PCDHA7: variants seen among roughly 807,000 people sequenced by gnomAD.
PCDHA7 encodes protocadherin alpha 7.
Under a neutral mutation model 57.2 loss-of-function variants are expected in PCDHA7, and 37 were observed. That is an observed-to-expected ratio of 0.65 (90% CI 0.50 to 0.85). The LOEUF is 0.85. PCDHA7 is among the 40% of genes least tolerant of loss of function. The pLI, the probability that PCDHA7 is intolerant of heterozygous loss-of-function variation, is 0.00. For missense variants in PCDHA7, 1,188 were observed against 1,241.8 expected, an observed-to-expected ratio of 0.96 and a Z score of 0.65; for synonymous variants, 553 against 558.8, an observed-to-expected ratio of 0.99 and a Z score of 0.15.
intron 1 of PCDHA7, among the ~76,000 whole-genome samples, chr5:140,901,222 C>A (rs1336015424): frequency 6.6e-6 from 1 of 151,984 alleles, no homozygotes; most frequent in Admixed American, 6.6e-5. Context: ...TGATGTGATC[C>A]CATATATCCA....
In PCDHA7 at chr5:140,836,076, C is replaced by G. The variant is rs1387042597; in HGVS notation, c.1693C>G (p.Leu565Val). The change falls in exon 1 of 4, where the codon CTG becomes GTG. Residue 565 changes from leucine (L) to valine (V), a missense_variant. Leu to Val is a conservative substitution (Grantham distance 32). This residue lies in a region of PCDHA7 where 892 missense variants were observed against 788.5 expected (regional missense o/e 1.13). Transcript: ENST00000525929. ...GGACGAGAACGACAACGCGCCGGCA[C>G]TGCTGGCGCCTCGGGTGGGTGGCAC... ...VLDENDNAPA[L>V]LAPRVGGTGG... 6.2e-7 allele frequency: 1 copy of G among 1,613,592 alleles called. No individual in the cohort carries two copies. The highest frequency in any genetic ancestry group is 1.7e-5 in the Admixed American group (1 of 59,990).
At chr5:140,884,179 G>A in intron 1 of PCDHA7, 3 of 1,613,460 alleles carry the variant, frequency 1.9e-6, no homozygotes, top group Non-Finnish European at 1.7e-6. Context: ...CGCGCCCTCT[G>A]GACGAGGTGG....
intron 1 of PCDHA7, among the ~76,000 whole-genome samples, chr5:140,905,145 T>C (rs1264141592): frequency 1.3e-5 from 2 of 152,252 alleles, no homozygotes; most frequent in African/African-American, 4.8e-5. Context: ...TCTGCTGTTA[T>C]ATTTTAGAAT....
intron 3 of PCDHA7, among the ~76,000 whole-genome samples, chr5:140,993,365 A>G (rs1207264244): frequency 1.3e-5 from 2 of 151,422 alleles, no homozygotes; most frequent in Admixed American, 6.6e-5. Flanking sequence ...CACAAAAACT[A>G]CCTCCCAGCC....
intron 1 of PCDHA7, chr5:140,968,548 G>T: frequency 6.2e-7 from 1 of 1,614,174 alleles, no homozygotes; most frequent in Non-Finnish European, 8.5e-7. Context: ...TCGAGATGGT[G>T]CCTCGAACTG....
At chr5:140,985,562 C>G (rs1477250763) in intron 3 of PCDHA7, among the ~76,000 whole-genome samples, 1 of 152,116 alleles carries the variant, frequency 6.6e-6, no homozygotes, top group Non-Finnish European at 1.5e-5. Flanking sequence ...CAAAAGGCTT[C>G]TTTCTGGTGC....
At chr5:140,912,061 C>T (rs1321149990) in intron 1 of PCDHA7, among the ~76,000 whole-genome samples, 2 of 152,162 alleles carry the variant, frequency 1.3e-5, no homozygotes, top group Non-Finnish European at 2.9e-5. Context: ...AACTTGGAGT[C>T]CAATGTTCAA....
intron 1 of PCDHA7, among the ~76,000 whole-genome samples, chr5:140,895,298 C>A (rs1208960325): frequency 6.6e-6 from 1 of 151,928 alleles, no homozygotes; most frequent in Non-Finnish European, 1.5e-5. Context: ...CCTTCGATTT[C>A]CCCCCTTCCA....
Position 140,834,561 on chromosome 5 carries a change from G to A in PCDHA7, c.178G>A (p.Val60Met), listed in dbSNP as rs2150221029. ...CCTGGGGCTGGAGCTGGCGGAGCTG[G>A]TGCCGCGCCTGTTCCGGGCGGTGTG... ...QDLGLELAEL[V>M]PRLFRAVCKF... The change falls in exon 1 of 4, where the codon GTG (valine) becomes ATG (methionine). Residue 60 changes from valine (V) to methionine (M), a missense_variant. Val to Met is a conservative substitution (Grantham distance 21). Coordinates refer to ENST00000525929, the MANE Select transcript of PCDHA7 (RefSeq NM_018910.3). 3.5e-5 allele frequency: 56 copies of A among 1,614,112 alleles called. No homozygotes were observed. Among genetic ancestry groups the A allele is most frequent in the Admixed American group, 1.5e-4 (9 of 60,010 alleles).
chr5:140,869,750 A>T (rs1467855920), intron 1 of PCDHA7: 1 of 1,613,280 alleles, frequency 6.2e-7, no homozygotes, highest in Non-Finnish European at 8.5e-7. Context: ...ACAGCTACAG[A>T]CGGGGGAAAA....
In PCDHA7 at chr5:140,886,687, A is replaced by G. The variant is rs553566283; in HGVS notation, c.2355+49949A>G. On this transcript the variant is annotated intron_variant, in intron 1 of 3. Coordinates refer to ENST00000525929, the MANE Select transcript of PCDHA7 (RefSeq NM_018910.3). The stretch of plus-strand genomic sequence containing the variant: ...CTAAAAATACAAAAATTAGCGAGGC[A>G]TGGTGGCACGCGCCTGTAATCCCAG... Among the ~76,000 whole-genome samples, 418 of 152,114 alleles carry G rather than the reference A, an allele frequency of 2.7e-3. 2 individuals are homozygous for G. Among genetic ancestry groups the G allele is most frequent in the Middle Eastern group, 0.014 (4 of 294 alleles).
At chr5:140,863,942 G>C (rs868949663) in intron 1 of PCDHA7, 1 of 159,974 alleles carries the variant, frequency 6.3e-6, no homozygotes, top group Non-Finnish European at 1.4e-5. Context: ...CAGAGGTTGC[G>C]GTGAGCCTAG....
chr5:140,965,424 G>A (rs2095899424), intron 1 of PCDHA7, among the ~76,000 whole-genome samples: 1 of 152,086 alleles, frequency 6.6e-6, no homozygotes, highest in African/African-American at 2.4e-5. Flanking sequence ...AGGAAGATAA[G>A]CTGCAGTCAT....
chr5:140,839,557 T>A (rs1776285621), intron 1 of PCDHA7, among the ~76,000 whole-genome samples: 1 of 151,956 alleles, frequency 6.6e-6, no homozygotes, highest in Non-Finnish European at 1.5e-5. Context: ...GCCCAACTAA[T>A]TTTTGTATTT....
intron 1 of PCDHA7, among the ~76,000 whole-genome samples, chr5:140,937,911 CAAAA>C (rs200797202): frequency 8.5e-6 from 1 of 117,894 alleles, no homozygotes; most frequent in Non-Finnish European, 1.9e-5. Context: ...GACTCCGTCT[CAAAA>C]AAAAAAAAAA....
intron 1 of PCDHA7, chr5:140,870,552 G>C: frequency 6.2e-7 from 1 of 1,614,042 alleles, no homozygotes; most frequent in Non-Finnish European, 8.5e-7. Flanking sequence ...ACGCGGACGC[G>C]CAGGAGAACG....
At chr5:140,971,034 A>G (rs576529050) in intron 1 of PCDHA7, among the ~76,000 whole-genome samples, 1 of 152,202 alleles carries the variant, frequency 6.6e-6, no homozygotes, top group Non-Finnish European at 1.5e-5. Context: ...ATTTGAAAGC[A>G]CGTAAAAGGG....
intron 1 of PCDHA7, chr5:140,843,208 C>A: frequency 6.3e-7 from 1 of 1,596,004 alleles, no homozygotes; most frequent in South Asian, 1.1e-5. Context: ...TGTACACGGG[C>A]GAGATCAGCA....
At chr5:140,947,755 G>T (rs1415482913) in intron 1 of PCDHA7, among the ~76,000 whole-genome samples, 1 of 151,450 alleles carries the variant, frequency 6.6e-6, no homozygotes, top group Non-Finnish European at 1.5e-5. Flanking sequence ...GTATTTTATG[G>T]TTTAAAAAAT....
Sources: allele counts gnomAD v4.1 joint callset (sites outside exome capture counted in the v4.1 genomes callset), GRCh38; gene constraint gnomAD v4.1.1; regional missense constraint gnomAD v4.1.1; transcripts MANE v1.5; gene names NCBI Gene and HGNC (gene_info 2026-07-23, HGNC 2026-07-21).